The following TRPM3 variants were observed in gnomAD, a reference collection of about 807,000 sequenced individuals.
TRPM3 encodes long transient receptor potential channel 3.
Under a neutral mutation model 181.2 loss-of-function variants are expected in TRPM3, and 77 were observed. That is an observed-to-expected ratio of 0.42 (90% CI 0.35 to 0.51). The LOEUF (loss-of-function observed/expected upper bound fraction) is 0.51. TRPM3 is among the 20% of genes least tolerant of loss of function. The pLI is 0.01. For missense variants in TRPM3, 1,759 were observed against 2,196.7 expected (o/e 0.80, Z 3.98); for synonymous variants, 745 against 796.4 (o/e 0.94, Z 1.09).
intron 1 of TRPM3, among the ~76,000 whole-genome samples, chr9:71,194,597 G>A (rs1033404315): frequency 1.3e-5 from 2 of 151,832 alleles, no homozygotes; most frequent in African/African-American, 4.8e-5. Context: ...TAGGAGAGCC[G>A]CCCAACCAGG....
chr9:71,126,760 T>G (rs1746225483), intron 1 of TRPM3, among the ~76,000 whole-genome samples: 1 of 152,192 alleles, frequency 6.6e-6, no homozygotes, highest in East Asian at 1.9e-4. Context: ...TCATTTTCCC[T>G]CCATTATTGG....
chr9:70,983,325 C>T (rs2097383655), intron 1 of TRPM3, among the ~76,000 whole-genome samples: 2 of 152,072 alleles, frequency 1.3e-5, no homozygotes, highest in African/African-American at 4.8e-5. Flanking sequence ...CATATATTCT[C>T]ACTTTTTACT....
At chr9:70,810,709 T>A (rs1326272877) in intron 6 of TRPM3, among the ~76,000 whole-genome samples, 1 of 152,138 alleles carries the variant, frequency 6.6e-6, no homozygotes, top group Non-Finnish European at 1.5e-5. Context: ...CTTCCATGTG[T>A]AGGATGAAAG....
At chr9:71,098,312 A>G (rs922730203) in intron 1 of TRPM3, among the ~76,000 whole-genome samples, 1 of 152,184 alleles carries the variant, frequency 6.6e-6, no homozygotes, top group African/African-American at 2.4e-5. Context: ...TTTAGTGTGT[A>G]GGAATTAATG....
intron 1 of TRPM3, among the ~76,000 whole-genome samples, chr9:71,166,436 G>A (rs991235774): frequency 1.3e-5 from 2 of 152,016 alleles, no homozygotes; most frequent in African/African-American, 4.8e-5. Flanking sequence ...AAAAGAAGAG[G>A]AAGTGAGGAT....
chr9:71,070,182 A>G (rs1262381711), intron 1 of TRPM3, among the ~76,000 whole-genome samples: 1 of 152,246 alleles, frequency 6.6e-6, no homozygotes, highest in African/African-American at 2.4e-5. Flanking sequence ...TGTTTCTGAA[A>G]TGGGAGGAGG....
At chr9:70,592,904 G>T (rs2058365332) in intron 21 of TRPM3, among the ~76,000 whole-genome samples, 1 of 151,894 alleles carries the variant, frequency 6.6e-6, no homozygotes, top group African/African-American at 2.4e-5. Flanking sequence ...TAATTTTTTT[G>T]TATTTTTAAT....
intron 1 of TRPM3, among the ~76,000 whole-genome samples, chr9:71,194,396 G>A (rs930580152): frequency 2.0e-5 from 3 of 151,974 alleles, no homozygotes; most frequent in African/African-American, 4.8e-5. Flanking sequence ...TTTAAGTCAG[G>A]TGTGGCCCTG....
intron 8 of TRPM3, among the ~76,000 whole-genome samples, chr9:70,743,946 G>T (rs2074635949): frequency 6.6e-6 from 1 of 151,858 alleles, no homozygotes; most frequent in South Asian, 2.1e-4. Context: ...AATATTTTTT[G>T]AGGAATATGG....
chr9:71,220,722 T>A (rs1313289684), intron 1 of TRPM3, among the ~76,000 whole-genome samples: 1 of 152,094 alleles, frequency 6.6e-6, no homozygotes, highest in African/African-American at 2.4e-5. Flanking sequence ...ATAGCACAGA[T>A]TTTGAAGAGC....
intron 1 of TRPM3, among the ~76,000 whole-genome samples, chr9:71,172,736 T>C (rs1346806452): frequency 6.6e-6 from 1 of 152,164 alleles, no homozygotes; most frequent in South Asian, 2.1e-4. Flanking sequence ...TTACTGAACA[T>C]GCTATGCGTT....
intron 1 of TRPM3, among the ~76,000 whole-genome samples, chr9:71,324,306 A>T (rs1367032812): frequency 6.6e-6 from 1 of 152,132 alleles, no homozygotes; most frequent in East Asian, 1.9e-4. Context: ...AGAAATCACA[A>T]GTCTCTTAAA....
At chr9:70,562,035 T>A (rs1400101272) in intron 22 of TRPM3, among the ~76,000 whole-genome samples, 1 of 152,250 alleles carries the variant, frequency 6.6e-6, no homozygotes, top group Non-Finnish European at 1.5e-5. Context: ...TTTCATTCTG[T>A]TTATTTTGTG....
chr9:71,288,138 A>G (rs977089243), intron 1 of TRPM3, among the ~76,000 whole-genome samples: 1 of 151,800 alleles, frequency 6.6e-6, no homozygotes, highest in Non-Finnish European at 1.5e-5. Flanking sequence ...GGTTTTCCCC[A>G]TTATTCCTTG....
At chr9:70,694,509 C>A (rs2069618580) in intron 8 of TRPM3, among the ~76,000 whole-genome samples, 1 of 152,100 alleles carries the variant, frequency 6.6e-6, no homozygotes, top group South Asian at 2.1e-4. Context: ...GAGACGGAGT[C>A]TTGCTCTTTC....
At chr9:70,986,357 TG>T (rs2097421553) in intron 1 of TRPM3, among the ~76,000 whole-genome samples, 1 of 152,194 alleles carries the variant, frequency 6.6e-6, no homozygotes, top group African/African-American at 2.4e-5. Flanking sequence ...AGGAACACCT[TG>T]TCTCTAAAAT....
chr9:70,903,535 GA>G (rs1166381655), intron 1 of TRPM3, among the ~76,000 whole-genome samples: 1 of 151,924 alleles, frequency 6.6e-6, no homozygotes, highest in Non-Finnish European at 1.5e-5. Context: ...AAAAAGAAGG[GA>G]ATTACAATTA....
intron 8 of TRPM3, among the ~76,000 whole-genome samples, chr9:70,754,840 T>C (rs2076774486): frequency 6.6e-6 from 1 of 152,200 alleles, no homozygotes; most frequent in African/African-American, 2.4e-5. Flanking sequence ...TGCTATGCTA[T>C]GGAGCCTAAT....
intron 1 of TRPM3, among the ~76,000 whole-genome samples, chr9:71,168,723 T>C (rs1224343617): frequency 6.7e-6 from 1 of 150,312 alleles, no homozygotes; most frequent in African/African-American, 2.4e-5. Flanking sequence ...TTCCTAGGGG[T>C]GTTGCCATAA....
Sources: gnomAD v4.1 joint callset for allele counts (sites outside exome capture counted in the v4.1 genomes callset) on GRCh38, gnomAD v4.1.1 for gene constraint, MANE v1.5 for transcripts, NCBI Gene and HGNC (gene_info 2026-07-23, HGNC 2026-07-21) for gene names.